MBNL2: variants seen among roughly 807,000 people sequenced by gnomAD.
MBNL2 encodes muscleblind like splicing regulator 2, also known as muscleblind-like protein 2.
In MBNL2, 17 loss-of-function variants were observed where a neutral mutation model predicts 41.9. The ratio of observed to expected loss-of-function variants is 0.41; its 90% confidence interval spans 0.28 to 0.61. The LOEUF (loss-of-function observed/expected upper bound fraction) is 0.61, where lower values mean the gene tolerates loss of function less well. Among genes scored for constraint, MBNL2 ranks in the 20% least tolerant of loss-of-function variants. The pLI is 0.35. For synonymous variants in MBNL2, 195 were observed against 182.9 expected, an observed-to-expected ratio of 1.07 and a Z score of -0.53; for missense variants, 336 against 505.6, an observed-to-expected ratio of 0.66 and a Z score of 3.22.
At chr13:97,146,870 C>A in the MBNL2 span, among the ~76,000 whole-genome samples, 1 of 152,188 alleles carries the variant, frequency 6.6e-6, no homozygotes, top group Non-Finnish European at 1.5e-5. Context: ...TCAAGAAAAA[C>A]CATACTGCCA....
intron 2 of MBNL2, among the ~76,000 whole-genome samples, chr13:97,279,190 G>A (rs1594138492): frequency 2.0e-5 from 3 of 152,324 alleles, no homozygotes; most frequent in African/African-American, 7.2e-5. Context: ...GTGCAACAGA[G>A]AGAACCAGTG....
the MBNL2 span, among the ~76,000 whole-genome samples, chr13:97,198,051 G>A: frequency 2.0e-5 from 3 of 152,256 alleles, no homozygotes; most frequent in South Asian, 6.2e-4. Context: ...ACTTGACTGG[G>A]CCATGAGATG....
chr13:97,310,580 C>T (rs2058507346), intron 2 of MBNL2, among the ~76,000 whole-genome samples: 1 of 151,910 alleles, frequency 6.6e-6, no homozygotes. Flanking sequence ...CAGGCACCCG[C>T]CACCATGCCT....
intron 2 of MBNL2, among the ~76,000 whole-genome samples, chr13:97,333,704 T>C (rs2060613093): frequency 6.6e-6 from 1 of 152,184 alleles, no homozygotes; most frequent in African/African-American, 2.4e-5. Flanking sequence ...AAATTCTTAT[T>C]ACTCTCTACT....
Position 97,268,973 on chromosome 13 carries a change from TGAGGAGGGCCTGCC to T in MBNL2, c.-604-6657_-604-6644del, listed in dbSNP as rs2050382775. 6.6e-6 allele frequency among the ~76,000 whole-genome samples: 1 copy of T among 152,086 alleles called. No individual in the cohort carries two copies. Among genetic ancestry groups the T allele is most frequent in the Admixed American group, 6.5e-5 (1 of 15,284 alleles). ...GGGCGCTGTTCCGGATGCAGGCCCG[TGAGGAGGGCCTGCC>T]GGAGGGTGGCTCAGCTGAACCTTCC... On this transcript the variant is annotated intron_variant, in intron 1 of 8. Transcript: ENST00000679496. This position sits in a 1 kb window ranked among gnomAD's most constrained non-coding sequence, Gnocchi z 4.6.
chr13:97,346,782 C>G lies in MBNL2; in HGVS notation c.541-22C>G. ...TGGGCTCAGGCTTGCCTCTGCAGCG[C>G]GGCTCTTCTTCCCTGTCTTAGGTAT... On this transcript the variant is annotated intron_variant, in intron 4 of 8. Transcript: ENST00000679496. This position sits in a 1 kb window ranked among gnomAD's most constrained non-coding sequence, Gnocchi z 4.2. 1 of 1,610,460 alleles carries G rather than the reference C, an allele frequency of 6.2e-7. No individual in the cohort carries two copies. Among genetic ancestry groups the G allele is most frequent in the Non-Finnish European group, 8.5e-7 (1 of 1,177,830 alleles).
intron 8 of MBNL2, among the ~76,000 whole-genome samples, chr13:97,371,297 C>A (rs1435979868): frequency 6.6e-6 from 1 of 152,088 alleles, no homozygotes; most frequent in African/African-American, 2.4e-5. Flanking sequence ...AATTTATACT[C>A]CGAATCTTTC....
chr13:97,215,655 G>A, the MBNL2 span, among the ~76,000 whole-genome samples: 1 of 152,000 alleles, frequency 6.6e-6, no homozygotes, highest in African/African-American at 2.4e-5. Context: ...CAAATATTTT[G>A]CATTAACTTT....
intron 3 of MBNL2, among the ~76,000 whole-genome samples, chr13:97,340,083 G>A (rs578045660): frequency 6.6e-6 from 1 of 152,174 alleles, no homozygotes; most frequent in Non-Finnish European, 1.5e-5. Context: ...TCTTGCTGCC[G>A]CACTTGCTTC....
intron 1 of MBNL2, among the ~76,000 whole-genome samples, chr13:97,274,462 A>C (rs1386169589): frequency 1.3e-5 from 2 of 151,904 alleles, no homozygotes; most frequent in East Asian, 3.9e-4. Flanking sequence ...ATGCTACTGC[A>C]CTCTAGCCTG....
chr13:97,244,747 T>C (rs1002376160), intron 1 of MBNL2, among the ~76,000 whole-genome samples: 1 of 152,204 alleles, frequency 6.6e-6, no homozygotes, highest in African/African-American at 2.4e-5. Context: ...GGTACATCTT[T>C]ACACTGCCCA....
At chr13:97,244,824 C>T (rs1248136721) in intron 1 of MBNL2, among the ~76,000 whole-genome samples, 3 of 152,100 alleles carry the variant, frequency 2.0e-5, no homozygotes, top group Non-Finnish European at 2.9e-5. Flanking sequence ...TACATTTATC[C>T]ACTACTATAG....
rs754261979 is a variant in MBNL2, at chr13:97,357,771, T to G, written c.1012+136T>G. The G allele has an allele frequency of 3.1e-5, 27 of 864,264 alleles. No individual in the cohort carries two copies. In the East Asian group the frequency reaches 6.1e-4, roughly 20 times the overall value. The allele number at this position is 864,264 out of a possible 1,614,324, so 53.5% of individuals were successfully genotyped here. On this transcript the variant is annotated intron_variant, in intron 7 of 8. Transcript: ENST00000679496. ...TTGAAATTCATCGTTGTCCTAGCTATCTAAATGTATTTACCTTACTTTGAA... is the reference window on the plus strand; with the variant it reads ...TTGAAATTCATCGTTGTCCTAGCTAGCTAAATGTATTTACCTTACTTTGAA...
chr13:97,247,366 A>C (rs1006793068), intron 1 of MBNL2, among the ~76,000 whole-genome samples: 8 of 152,198 alleles, frequency 5.3e-5, no homozygotes, highest in African/African-American at 1.9e-4. Flanking sequence ...TTCCTTTAAA[A>C]TGGTATGCCA....
chr13:97,155,382 T>A, the MBNL2 span, among the ~76,000 whole-genome samples: 9 of 107,374 alleles, frequency 8.4e-5, no homozygotes, highest in South Asian at 2.4e-3. Flanking sequence ...AGTAATTTTC[T>A]TTTTTTTTTT....
At chr13:97,166,813 TAGATAGATAGATAGATAGATAGATAGAA>T in the MBNL2 span, among the ~76,000 whole-genome samples, 1 of 150,892 alleles carries the variant, frequency 6.6e-6, no homozygotes, top group Non-Finnish European at 1.5e-5. Flanking sequence ...GATAGATAGA[TAGATAGATAGATAGATAGATAGATAGAA>T]AGATAGATAG....
At chr13:97,356,297 A>T (rs1336424971) in intron 5 of MBNL2, among the ~76,000 whole-genome samples, 1 of 152,178 alleles carries the variant, frequency 6.6e-6, no homozygotes, top group Non-Finnish European at 1.5e-5. Context: ...CCAGCTATGA[A>T]TTTTAAATTA....
the MBNL2 span, among the ~76,000 whole-genome samples, chr13:97,160,297 C>A: frequency 1.3e-5 from 2 of 152,104 alleles, no homozygotes; most frequent in Non-Finnish European, 2.9e-5. Context: ...GAGCTGGCTG[C>A]TCTGTGCTTT....
chr13:97,286,425 A>G (rs1225060289), intron 2 of MBNL2, among the ~76,000 whole-genome samples: 2 of 152,172 alleles, frequency 1.3e-5, no homozygotes, highest in Admixed American at 1.3e-4. Context: ...CATCACTTCT[A>G]TCATGACCAC....
Sources: gnomAD v4.1 joint callset for allele counts (sites outside exome capture counted in the v4.1 genomes callset) on GRCh38, gnomAD v4.1.1 for gene constraint, Gnocchi (gnomAD v3.1) non-coding constraint, MANE v1.5 for transcripts, NCBI Gene and HGNC (gene_info 2026-07-23, HGNC 2026-07-21) for gene names.